LRBA: variants seen among roughly 807,000 people sequenced by gnomAD.
LRBA encodes the protein LPS responsive beige-like anchor protein, also known as lipopolysaccharide-responsive and beige-like anchor protein.
LRBA carries 176 observed loss-of-function variants against 330.0 expected under a neutral mutation model. The observed-to-expected ratio is 0.53, with a 90% CI of 0.47 to 0.60. The LOEUF (loss-of-function observed/expected upper bound fraction) is 0.60. Ranked by LOEUF, LRBA falls within the 20% of genes least tolerant of loss-of-function variation. The probability of loss-of-function intolerance (pLI) is 0.00; values close to 1 mark genes in which losing one functional copy is unlikely to be tolerated. For missense variants in LRBA, 3,259 were observed against 3,444.8 expected, an observed-to-expected ratio of 0.95 and a Z score of 1.35; for synonymous variants, 1,230 against 1,193.0, an observed-to-expected ratio of 1.03 and a Z score of -0.64.
Position 150,277,918 on chromosome 4 carries a change from C to G in LRBA, c.8403G>C (p.Lys2801Asn), listed in dbSNP as rs200809013. The G allele has an allele frequency of 3.1e-4, 495 of 1,614,132 alleles. 3 individuals are homozygous for G. The East Asian group carries it at 0.01, about 33-fold the overall frequency. Residue 2801 changes from lysine (K) to asparagine (N), a missense_variant, in exon 56 of 57, where the codon AAG becomes AAC. Physicochemically the swap from Lys to Asn is moderately conservative, Grantham distance 94. Coordinates refer to ENST00000651943, the MANE Select transcript of LRBA (RefSeq NM_001364905.1). ...CACATCCTGGATAGGCAAAGAGCTG[C>G]TTGAGGTCCGACACCTGCCGGACCA... ...VVVVRQVSDL[K>N]QLFAYPGCDA...
At chr4:150,549,905 C>T (rs746945210) in intron 40 of LRBA, among the ~76,000 whole-genome samples, 7 of 152,112 alleles carry the variant, frequency 4.6e-5, no homozygotes, top group Non-Finnish European at 8.8e-5. Context: ...CTAAATGGCA[C>T]TATCAGAGAA....
At chr4:150,760,302 G>A (rs755197351) in intron 35 of LRBA, among the ~76,000 whole-genome samples, 12 of 152,034 alleles carry the variant, frequency 7.9e-5, no homozygotes, top group Non-Finnish European at 1.8e-4. Flanking sequence ...ATCTATATCA[G>A]TTTTTATTGA....
chr4:150,999,224 G>A (rs1389216174), intron 2 of LRBA, among the ~76,000 whole-genome samples: 2 of 151,974 alleles, frequency 1.3e-5, no homozygotes, highest in Non-Finnish European at 2.9e-5. Flanking sequence ...AGTACTAGGG[G>A]GCTTGAATTT....
intron 41 of LRBA, among the ~76,000 whole-genome samples, chr4:150,489,190 T>A (rs1231429845): frequency 3.5e-4 from 39 of 112,882 alleles, no homozygotes; most frequent in Non-Finnish European, 5.0e-4. Context: ...TATAATATAT[T>A]ATATATAAGT....
intron 49 of LRBA, 55 bp downstream of exon 49, chr4:150,325,754 A>G: frequency 8.5e-7 from 1 of 1,178,012 alleles, no homozygotes. Context: ...TGTTATGAAT[A>G]TCAAGCGGAT....
chr4:150,614,284 A>G (rs950168101), intron 37 of LRBA, among the ~76,000 whole-genome samples: 15 of 152,202 alleles, frequency 9.9e-5, no homozygotes, highest in African/African-American at 3.1e-4. Flanking sequence ...ACCCTATAGC[A>G]ATGGGGAGAT....
At chr4:150,859,991 T>C (rs372941061) in intron 22 of LRBA, among the ~76,000 whole-genome samples, 1 of 152,220 alleles carries the variant, frequency 6.6e-6, no homozygotes, top group East Asian at 1.9e-4. Context: ...CTGCTAAAAA[T>C]TGTTCACCTA....
At chr4:150,657,197 G>A (rs1483936796) in intron 37 of LRBA, among the ~76,000 whole-genome samples, 1 of 152,130 alleles carries the variant, frequency 6.6e-6, no homozygotes, top group Non-Finnish European at 1.5e-5. Context: ...AAGGAGACAT[G>A]TTTTTGTTTT....
At chr4:150,759,513 T>C (rs1053934937) in intron 35 of LRBA, among the ~76,000 whole-genome samples, 18 of 152,148 alleles carry the variant, frequency 1.2e-4, no homozygotes, top group Admixed American at 2.6e-4. Flanking sequence ...TTCAAGTGCT[T>C]GCTCCAATGT....
At chr4:150,667,163 T>C (rs1239598738) in intron 37 of LRBA, among the ~76,000 whole-genome samples, 2 of 152,230 alleles carry the variant, frequency 1.3e-5, no homozygotes, top group Admixed American at 6.5e-5. Context: ...GACACTGTGC[T>C]AGGCTGAATA....
chr4:150,646,987 C>T (rs577841461), intron 37 of LRBA, among the ~76,000 whole-genome samples: 10 of 152,128 alleles, frequency 6.6e-5, no homozygotes, highest in Admixed American at 4.6e-4. Flanking sequence ...TTATATAAAG[C>T]ATAGACAGTA....
At chr4:150,678,441 T>C (rs147231652) in intron 37 of LRBA, among the ~76,000 whole-genome samples, 1 of 152,156 alleles carries the variant, frequency 6.6e-6, no homozygotes, top group East Asian at 1.9e-4. Flanking sequence ...CCCAGAAATA[T>C]CAACTTACTA....
At chr4:150,686,683 G>C (rs577397903) in intron 36 of LRBA, among the ~76,000 whole-genome samples, 1 of 152,162 alleles carries the variant, frequency 6.6e-6, no homozygotes, top group Non-Finnish European at 1.5e-5. Context: ...CTTCACCTAA[G>C]AGGAAATTCA....
chr4:150,490,861 G>T, intron 41 of LRBA, 57 bp downstream of exon 41: 1 of 985,946 alleles, frequency 1.0e-6, no homozygotes, highest in Non-Finnish European at 1.5e-6. Context: ...GTTCAAAAAT[G>T]AAATCTTAAA....
chr4:150,865,991 C>T (rs777112311), intron 22 of LRBA, among the ~76,000 whole-genome samples: 3 of 152,228 alleles, frequency 2.0e-5, no homozygotes, highest in Non-Finnish European at 4.4e-5. Flanking sequence ...GCTGGGATTA[C>T]AGGCGTGAGC....
At chr4:150,608,056 C>A (rs887631486) in intron 37 of LRBA, among the ~76,000 whole-genome samples, 27 of 151,692 alleles carry the variant, frequency 1.8e-4, no homozygotes, top group African/African-American at 6.3e-4. Context: ...AGAAAAGATA[C>A]AAAAATTAGC....
At chr4:150,707,700 C>A (rs2127021662) in intron 36 of LRBA, among the ~76,000 whole-genome samples, 1 of 151,674 alleles carries the variant, frequency 6.6e-6, no homozygotes, top group Non-Finnish European at 1.5e-5. Flanking sequence ...ACAATAAAGA[C>A]CATTCTAGCA....
At chr4:150,334,011 T>G (rs1163772340) in intron 48 of LRBA, among the ~76,000 whole-genome samples, 1 of 152,118 alleles carries the variant, frequency 6.6e-6, no homozygotes, top group Non-Finnish European at 1.5e-5. Flanking sequence ...ATTAGAAACA[T>G]TTGGAAACCA....
At chr4:150,760,415 C>T (rs1734915995) in intron 35 of LRBA, among the ~76,000 whole-genome samples, 1 of 152,018 alleles carries the variant, frequency 6.6e-6, no homozygotes, top group Admixed American at 6.6e-5. Context: ...CAGGTCTTCC[C>T]TCCTTCAACC....
Sources: allele counts gnomAD v4.1 joint callset (sites outside exome capture counted in the v4.1 genomes callset), GRCh38; gene constraint gnomAD v4.1.1; transcripts MANE v1.5; gene names NCBI Gene and HGNC (gene_info 2026-07-23, HGNC 2026-07-21).